The following RNF135 variants were observed in gnomAD, a reference collection of about 807,000 sequenced individuals.
RNF135 encodes the protein ring finger protein 135.
A neutral mutation model predicts 41.9 loss-of-function variants in RNF135; 46 were observed. The ratio of observed to expected loss-of-function variants is 1.10; its 90% CI spans 0.87 to 1.40. RNF135 has a LOEUF of 1.40. RNF135 is among the 40% of genes most tolerant of loss of function. RNF135 has a pLI of 0.00. For missense variants in RNF135, 539 were observed against 549.8 expected (o/e 0.98, Z 0.20); for synonymous variants, 238 against 223.8 (o/e 1.06, Z -0.57).
At chr17:30,981,952 C>T (rs1178072242) in intron 1 of RNF135, among the ~76,000 whole-genome samples, 1 of 152,242 alleles carries the variant, frequency 6.6e-6, no homozygotes, top group Non-Finnish European at 1.5e-5. Flanking sequence ...GACAGAAGCA[C>T]CTTGTGGCCA....
intron 1 of RNF135, chr17:30,975,354 A>T: frequency 1.4e-6 from 1 of 731,206 alleles, no homozygotes; most frequent in Non-Finnish European, 2.5e-6. Flanking sequence ...TTATGCCTGC[A>T]CCTGAGCCCA....
At position 30,999,444 on chromosome 17, in the gene RNF135, G is replaced by A. The variant is rs1908593538; in HGVS notation, c.*253G>A. On this transcript the variant is annotated 3_prime_UTR_variant, in exon 5 of 5. Coordinates refer to ENST00000328381, the MANE Select transcript of RNF135 (RefSeq NM_032322.4). ...TACCACTTTTGAAGTTAATCCTTTT[G>A]TGTGATACAGGATGAACTTGGGATG... is the stretch of plus-strand genomic sequence containing the variant. The A allele has an allele frequency of 6.0e-6, 3 of 503,262 alleles. No homozygotes were observed. The highest frequency in any genetic ancestry group is 4.2e-5 in the South Asian group (2 of 47,742). The allele number at this position is 503,262 out of a possible 1,614,324, so 31.2% of individuals were successfully genotyped here. A position where few individuals can be genotyped will look rare whatever the true frequency, so the allele number is the denominator to read the frequency against.
chr17:30,994,267 G>T (rs1908188921), intron 3 of RNF135, among the ~76,000 whole-genome samples: 1 of 152,154 alleles, frequency 6.6e-6, no homozygotes, highest in African/African-American at 2.4e-5. Context: ...GCTCAGGCAG[G>T]TGCAGTGGCT....
intron 1 of RNF135, chr17:30,975,874 C>A: frequency 2.8e-6 from 2 of 703,854 alleles, no homozygotes; most frequent in South Asian, 3.6e-5. Context: ...TATATGGCTT[C>A]TACCCCATTT....
chr17:30,970,988 C>T (rs531469404), upstream of RNF135: 21 of 1,509,114 alleles, frequency 1.4e-5, no homozygotes, highest in African/African-American at 1.8e-4. Flanking sequence ...AGGAGGAGGG[C>T]AAGGGGAAGA....
upstream of RNF135, among the ~76,000 whole-genome samples, chr17:30,968,590 G>A (rs1905653874): frequency 6.6e-6 from 1 of 151,562 alleles, no homozygotes; most frequent in Non-Finnish European, 1.5e-5. Context: ...GGGTTTCACC[G>A]TGTTAGCCAG....
chr17:30,962,544 C>A, the RNF135 span, among the ~76,000 whole-genome samples: 3 of 152,114 alleles, frequency 2.0e-5, no homozygotes, highest in African/African-American at 4.8e-5. Context: ...CGGCTCACTG[C>A]AAGCTCCGCC....
chr17:30,996,298 C>A (rs1444525835), intron 3 of RNF135, among the ~76,000 whole-genome samples: 1 of 151,982 alleles, frequency 6.6e-6, no homozygotes, highest in Non-Finnish European at 1.5e-5. Context: ...CCATATTGGC[C>A]AGGCTGGTCT....
intron 4 of RNF135, among the ~76,000 whole-genome samples, chr17:30,998,265 G>A (rs1426189707): frequency 6.6e-6 from 1 of 152,214 alleles, no homozygotes; most frequent in Non-Finnish European, 1.5e-5. Context: ...TAGTCTGGGT[G>A]CAGTGGCTCA....
rs1189144519 is a variant in RNF135 at position 30,983,320 on chromosome 17, C to CATATATAT, written c.373-1270_373-1263dup. Among the ~76,000 whole-genome samples, 129 of 37,040 alleles carry CATATATAT rather than the reference C, an allele frequency of 3.5e-3. 8 individuals are homozygous for CATATATAT. The highest frequency in any genetic ancestry group is 5.8e-3 in the Non-Finnish European group (89 of 15,360). The allele number at this position is 37,040 out of a possible 152,430, so 24.3% of individuals were successfully genotyped here. A position where few individuals can be genotyped will look rare whatever the true frequency, so the allele number is the denominator to read the frequency against. On this transcript the variant is annotated intron_variant, in intron 1 of 4. Coordinates refer to ENST00000328381, the MANE Select transcript of RNF135 (RefSeq NM_032322.4). ...TGGTAATTCTAATTACATATATGTA[C>CATATATAT]ATATATATATATATATATATATATA... is the stretch of plus-strand genomic sequence containing the variant.
At chr17:30,968,534 C>T (rs982267712), upstream of RNF135, among the ~76,000 whole-genome samples, 1 of 151,722 alleles carries the variant, frequency 6.6e-6, no homozygotes, top group Admixed American at 6.6e-5. Flanking sequence ...TACAGGCTCC[C>T]GCCGTCACGC....
chr17:30,993,751 TA>T (rs1265573158), intron 3 of RNF135: 8 of 970,442 alleles, frequency 8.2e-6, no homozygotes, highest in Admixed American at 7.7e-5. Context: ...AAATGCTTTT[TA>T]AAAAATTTTT....
Position 30,971,321 on chromosome 17 carries a change from A to G in RNF135, c.248A>G (p.Asp83Gly). 1 of 1,533,904 alleles carries G rather than the reference A, an allele frequency of 6.5e-7. No individual in the cohort carries two copies. The highest frequency in any genetic ancestry group is 1.4e-5 in the African/African-American group (1 of 70,644). Reference sequence around the variant, plus strand: ...AACACGCTACTGCAGGACCTGGCCGACAAGTACCGCCGCGCCGCACGCGAG... The same window carrying G: ...AACACGCTACTGCAGGACCTGGCCGGCAAGTACCGCCGCGCCGCACGCGAG... ...RKNTLLQDLA[D>G]KYRRAAREIQ... is the part of the protein sequence containing the mutation. The change falls in exon 1 of 5, where the codon GAC becomes GGC. Residue 83 changes from aspartate (D) to glycine (G), a missense_variant. By Grantham distance (94) the Asp-to-Gly change is moderately conservative. Around this residue, in one of 2 missense-constraint regions of RNF135, gnomAD observed 277 missense variants for 212.8 expected, o/e 1.30. Coordinates refer to ENST00000328381, the MANE Select transcript of RNF135 (RefSeq NM_032322.4).
chr17:30,961,177 G>A, the RNF135 span, among the ~76,000 whole-genome samples: 31,397 of 152,112 alleles, frequency 0.21, 10,259 homozygotes, highest in African/African-American at 0.7. Flanking sequence ...TGTTTATCCA[G>A]TGGAATGCTG....
chr17:30,961,353 A>G, the RNF135 span, among the ~76,000 whole-genome samples: 1 of 152,166 alleles, frequency 6.6e-6, no homozygotes, highest in Non-Finnish European at 1.5e-5. Context: ...AGCATTCACA[A>G]TGCAACTGAG....
chr17:30,997,722 G>A (rs1908458625), intron 4 of RNF135, among the ~76,000 whole-genome samples: 1 of 152,176 alleles, frequency 6.6e-6, no homozygotes, highest in Non-Finnish European at 1.5e-5. Flanking sequence ...GAGCCAGACT[G>A]CTTGGGTTTG....
chr17:30,980,493 C>T (rs866843672), intron 1 of RNF135, among the ~76,000 whole-genome samples: 3 of 115,200 alleles, frequency 2.6e-5, no homozygotes, highest in African/African-American at 7.8e-5. Flanking sequence ...GCTGGCCGGG[C>T]GGGGGGCTGA....
chr17:30,994,932 C>T (rs1908238709), intron 3 of RNF135, among the ~76,000 whole-genome samples: 1 of 151,518 alleles, frequency 6.6e-6, no homozygotes, highest in African/African-American at 2.4e-5. Context: ...GCCACCACGC[C>T]TGGACTGTAA....
intron 1 of RNF135, among the ~76,000 whole-genome samples, chr17:30,984,324 G>C (rs1219089431): frequency 2.0e-5 from 3 of 152,052 alleles, no homozygotes; most frequent in African/African-American, 7.2e-5. Context: ...GTTAGTTTTT[G>C]TATATGATGT....
Sources: gnomAD v4.1 joint callset for allele counts (sites outside exome capture counted in the v4.1 genomes callset) on GRCh38, gnomAD v4.1.1 for gene constraint, gnomAD v4.1.1 regional missense constraint, MANE v1.5 for transcripts, NCBI Gene and HGNC (gene_info 2026-07-23, HGNC 2026-07-21) for gene names.